The following PTPN1 variants were observed in gnomAD, a reference collection of about 807,000 sequenced individuals.
PTPN1 encodes the protein protein tyrosine phosphatase non-receptor type 1.
A neutral mutation model predicts 59.9 loss-of-function variants in PTPN1; 12 were observed. The ratio of observed to expected loss-of-function variants is 0.20; its 90% CI spans 0.13 to 0.32. The LOEUF (loss-of-function observed/expected upper bound fraction) is 0.32. PTPN1 is among the 10% of genes least tolerant of loss of function. PTPN1 has a pLI of 1.00. For missense variants in PTPN1, 356 were observed against 549.2 expected (o/e 0.65, Z 3.52); for synonymous variants, 178 against 203.6 (o/e 0.87, Z 1.07).
At chr20:50,532,356 T>C (rs1358375312) in intron 1 of PTPN1, among the ~76,000 whole-genome samples, 2 of 152,212 alleles carry the variant, frequency 1.3e-5, no homozygotes, top group Admixed American at 6.5e-5. Flanking sequence ...TAAATCTTCT[T>C]TGGGTCGGTT....
intron 2 of PTPN1, among the ~76,000 whole-genome samples, chr20:50,561,926 C>T (rs989267642): frequency 3.9e-5 from 6 of 152,178 alleles, no homozygotes; most frequent in African/African-American, 1.4e-4. Flanking sequence ...CCCCCGCCAA[C>T]CTCATCATTT....
chr20:50,510,747 C>G (rs1000942905), intron 1 of PTPN1, among the ~76,000 whole-genome samples, 157 bp downstream of exon 1: 7 of 152,040 alleles, frequency 4.6e-5, no homozygotes, highest in African/African-American at 1.2e-4. Context: ...GTCCCCCCAC[C>G]CTTTGTCCCC....
At position 50,582,637 on chromosome 20, in the gene PTPN1, G is replaced by C; in HGVS notation, c.1285-55G>C. The C allele has an allele frequency of 6.2e-7, 1 of 1,600,510 alleles. No individual in the cohort carries two copies. The highest frequency in any genetic ancestry group is 8.5e-7 in the Non-Finnish European group (1 of 1,171,404). The stretch of plus-strand genomic sequence containing the variant: ...GTGTGGCCGGGGTCATGCATGAGGC[G>C]ACAGCTCTGCAGGTGCGGGTCTGGG... On this transcript the variant is annotated intron_variant, in intron 9 of 9. Transcript: ENST00000371621. The surrounding 1 kb of genome is among the most constrained non-coding windows in gnomAD (Gnocchi z 4.2).
chr20:50,519,520 G>A (rs533700684), intron 1 of PTPN1, among the ~76,000 whole-genome samples: 79 of 152,346 alleles, frequency 5.2e-4, no homozygotes, highest in African/African-American at 1.7e-3. Context: ...TTTGTTTGAA[G>A]TGGGAGCGTG....
At chr20:50,510,720 G>A (rs188623965) in intron 1 of PTPN1, 130 bp downstream of exon 1, 1 of 996,072 alleles carries the variant, frequency 1.0e-6, no homozygotes. Context: ...GGATTCGATG[G>A]GACAGCGACG....
At chr20:50,524,338 A>G (rs936553801) in intron 1 of PTPN1, among the ~76,000 whole-genome samples, 5 of 152,164 alleles carry the variant, frequency 3.3e-5, no homozygotes, top group African/African-American at 1.2e-4. Flanking sequence ...ACTTTTATCC[A>G]AGTATGTATG....
Position 50,552,689 on chromosome 20 carries a change from T to A in PTPN1, c.64-8674T>A, listed in dbSNP as rs200246414. Among the ~76,000 whole-genome samples, 59 of 9,400 alleles carry A rather than the reference T, an allele frequency of 6.3e-3. 1 individual carries two copies. The East Asian group carries it at 0.27, about 43-fold the overall frequency. 6.2% of individuals were successfully genotyped at this position (9,400 alleles called of 152,430 possible). On this transcript the variant is annotated intron_variant, in intron 1 of 9. Transcript: ENST00000371621. ...ATCTCTACAAACAGGAAAAAAAAAA[T>A]TTTTTTTTTTTTTTTAACTAGCCAG...
At chr20:50,532,790 G>A (rs2122738465) in intron 1 of PTPN1, among the ~76,000 whole-genome samples, 1 of 152,188 alleles carries the variant, frequency 6.6e-6, no homozygotes, top group South Asian at 2.1e-4. Flanking sequence ...TCCTGGCACT[G>A]GAATTGGTTT....
intron 1 of PTPN1, among the ~76,000 whole-genome samples, chr20:50,528,558 A>T (rs911458129): frequency 6.6e-6 from 1 of 151,954 alleles, no homozygotes; most frequent in Non-Finnish European, 1.5e-5. Context: ...TACTAAAAAT[A>T]CAAAAATTAG....
intron 1 of PTPN1, among the ~76,000 whole-genome samples, chr20:50,513,803 A>G (rs938464778): frequency 3.3e-5 from 5 of 152,226 alleles, no homozygotes; most frequent in African/African-American, 7.2e-5. Context: ...AAATTTGCCA[A>G]TAATGTTTAT....
chr20:50,562,233 A>C (rs1243005947), intron 2 of PTPN1, among the ~76,000 whole-genome samples: 1 of 152,176 alleles, frequency 6.6e-6, no homozygotes, highest in African/African-American at 2.4e-5. Flanking sequence ...GTGCTCTGCC[A>C]GGGATGCAGA....
intron 3 of PTPN1, among the ~76,000 whole-genome samples, chr20:50,565,335 G>A (rs187945382): frequency 1.5e-4 from 23 of 152,342 alleles, no homozygotes; most frequent in African/African-American, 5.1e-4. Context: ...TTGCCTGTGT[G>A]GTCTGTTGGC....
intron 1 of PTPN1, among the ~76,000 whole-genome samples, chr20:50,549,478 A>G (rs762652892): frequency 5.3e-5 from 8 of 152,080 alleles, no homozygotes; most frequent in Non-Finnish European, 8.8e-5. Context: ...TCCATTATCT[A>G]TTAACCTTGC....
Position 50,568,169 on chromosome 20 carries a change from C to T in PTPN1, c.256-211C>T, listed in dbSNP as rs1384241848. ...GTTGGCCCAGCCCTGAACTGAGATG[C>T]GGAAATCGCCTTTCGCTGCCTGGTA... On this transcript the variant is annotated intron_variant, in intron 3 of 9. Coordinates refer to ENST00000371621, the MANE Select transcript of PTPN1 (RefSeq NM_002827.4). This position sits in a 1 kb window ranked among gnomAD's most constrained non-coding sequence, Gnocchi z 5.6. Among the ~76,000 whole-genome samples the T allele has an allele frequency of 2.6e-5, 4 of 152,178 alleles. No individual in the cohort carries two copies. The highest frequency in any genetic ancestry group is 7.2e-5 in the African/African-American group (3 of 41,444).
intron 1 of PTPN1, among the ~76,000 whole-genome samples, chr20:50,523,640 A>T (rs191188317): frequency 7.4e-4 from 112 of 152,312 alleles, no homozygotes; most frequent in Admixed American, 1.5e-3. Flanking sequence ...ATATGTGGTG[A>T]GGAAGACAAA....
intron 1 of PTPN1, among the ~76,000 whole-genome samples, chr20:50,530,293 T>C (rs1175125219): frequency 6.6e-6 from 1 of 152,128 alleles, no homozygotes; most frequent in Non-Finnish European, 1.5e-5. Context: ...GTTACTTATT[T>C]TAACAGTAAA....
rs1468962989 is a variant in PTPN1, at chr20:50,585,135, A to G, written c.*2420A>G. On this transcript the variant is annotated 3_prime_UTR_variant, in exon 10 of 10. Transcript: ENST00000371621. ...ACCTGTAAGACACAATGGTTACCACATCTCAGTACGTAAAGTCCACTTGAT... is the reference window on the plus strand; with the variant it reads ...ACCTGTAAGACACAATGGTTACCACGTCTCAGTACGTAAAGTCCACTTGAT... 6.6e-6 allele frequency: 1 copy of G among 152,212 alleles called. No individual in the cohort carries two copies. Among genetic ancestry groups the G allele is most frequent in the Non-Finnish European group, 1.5e-5 (1 of 68,034 alleles). 9.4% of individuals were successfully genotyped at this position (152,212 alleles called of 1,614,324 possible).
intron 1 of PTPN1, among the ~76,000 whole-genome samples, chr20:50,545,795 C>T (rs569645418): frequency 7.2e-5 from 11 of 152,136 alleles, no homozygotes; most frequent in Admixed American, 2.0e-4. Context: ...GCAGGCAGAT[C>T]GCTTGAGCCC....
At chr20:50,533,504 A>G (rs2082610411) in intron 1 of PTPN1, among the ~76,000 whole-genome samples, 1 of 149,356 alleles carries the variant, frequency 6.7e-6, no homozygotes, top group Middle Eastern at 3.4e-3. Context: ...TCAGCCAAAC[A>G]CTGCTGAAAT....
Sources: allele counts gnomAD v4.1 joint callset (sites outside exome capture counted in the v4.1 genomes callset), GRCh38; gene constraint gnomAD v4.1.1; non-coding constraint Gnocchi (gnomAD v3.1); transcripts MANE v1.5; gene names NCBI Gene and HGNC (gene_info 2026-07-23, HGNC 2026-07-21).